KCNIP4: variants seen among roughly 807,000 people sequenced by gnomAD.
KCNIP4 encodes the protein Kv channel-interacting protein 4.
Under a neutral mutation model 34.0 loss-of-function variants are expected in KCNIP4, and 12 were observed. The observed-to-expected ratio is 0.35, with a 90% CI of 0.23 to 0.57. KCNIP4 has a LOEUF of 0.57. KCNIP4 is among the 20% of genes least tolerant of loss of function. The pLI is 0.83. For synonymous variants in KCNIP4, 124 were observed against 102.2 expected, an observed-to-expected ratio of 1.21 and a Z score of -1.29; for missense variants, 238 against 311.7, an observed-to-expected ratio of 0.76 and a Z score of 1.78.
intron 1 of KCNIP4, among the ~76,000 whole-genome samples, chr4:21,589,351 T>C (rs1324720072): frequency 6.7e-6 from 1 of 148,466 alleles, no homozygotes; most frequent in Non-Finnish European, 1.5e-5. Flanking sequence ...CATGTGTATG[T>C]ATATATGTAC....
intron 1 of KCNIP4, among the ~76,000 whole-genome samples, chr4:21,472,454 A>G (rs535151927): frequency 1.1e-3 from 170 of 152,234 alleles, no homozygotes; most frequent in Non-Finnish European, 1.9e-3. Context: ...TGGGGGGGTT[A>G]ATATTACTAC....
intron 1 of KCNIP4, among the ~76,000 whole-genome samples, chr4:21,693,016 T>A (rs887426005): frequency 2.6e-5 from 4 of 151,864 alleles, no homozygotes; most frequent in African/African-American, 9.7e-5. Context: ...TTCTATCATC[T>A]CCAGGGAGAA....
chr4:21,329,512 G>T (rs1218228961), intron 1 of KCNIP4, among the ~76,000 whole-genome samples: 2 of 152,088 alleles, frequency 1.3e-5, no homozygotes, highest in Non-Finnish European at 2.9e-5. Flanking sequence ...TTTCTTTCAA[G>T]AACTCCACCA....
chr4:21,421,804 T>C (rs898459939), intron 1 of KCNIP4, among the ~76,000 whole-genome samples: 3 of 152,232 alleles, frequency 2.0e-5, no homozygotes, highest in Admixed American at 6.5e-5. Context: ...TTTAATTAGC[T>C]TGATTGTGTT....
At chr4:21,268,340 TAATGGAACC>T (rs1761944392) in intron 1 of KCNIP4, among the ~76,000 whole-genome samples, 3 of 152,172 alleles carry the variant, frequency 2.0e-5, no homozygotes, top group African/African-American at 7.2e-5. Context: ...ACTGATCTTT[TAATGGAACC>T]AACTGAAGCA....
At chr4:21,789,972 A>T (rs1467904386) in intron 1 of KCNIP4, among the ~76,000 whole-genome samples, 1 of 152,228 alleles carries the variant, frequency 6.6e-6, no homozygotes, top group Non-Finnish European at 1.5e-5. Flanking sequence ...CCCATTTTCC[A>T]TCTTCATATA....
chr4:21,906,620 C>G (rs1339157673), intron 1 of KCNIP4, among the ~76,000 whole-genome samples: 1 of 152,046 alleles, frequency 6.6e-6, no homozygotes, highest in East Asian at 1.9e-4. Flanking sequence ...TAATTTATTA[C>G]AGTGGTCCCA....
Position 21,444,754 on chromosome 4 carries a change from C to T in KCNIP4, c.61+503817G>A, listed in dbSNP as rs368260103. ...CCTCTCTCACCACTCCTATTCAACA[C>T]AGTGTTGGAAGTTCTGGCCAGGGCA... On this transcript the variant is annotated intron_variant, in intron 1 of 8. Transcript: ENST00000382152. Among the ~76,000 whole-genome samples, 17 of 152,234 alleles carry T rather than the reference C, an allele frequency of 1.1e-4. No homozygotes were observed. The East Asian group carries it at 1.4e-3, about 12-fold the overall frequency.
intron 1 of KCNIP4, among the ~76,000 whole-genome samples, chr4:21,052,277 A>G (rs998732511): frequency 6.6e-6 from 1 of 152,130 alleles, no homozygotes; most frequent in Admixed American, 6.5e-5. Context: ...TCTTCTTTTA[A>G]TATCCCTGAA....
Position 21,714,538 on chromosome 4 carries a change from A to G in KCNIP4, c.61+234033T>C, listed in dbSNP as rs527583862. Reference sequence around the variant, plus strand: ...AAAGAGGAAAGGAGAAGAGGAAGAAAGAGAGGGAGGAAGGGGGGGATTAAT... The same window carrying G: ...AAAGAGGAAAGGAGAAGAGGAAGAAGGAGAGGGAGGAAGGGGGGGATTAAT... On this transcript the variant is annotated intron_variant, in intron 1 of 8. Transcript: ENST00000382152. Among the ~76,000 whole-genome samples, 4 of 138,302 alleles carry G rather than the reference A, an allele frequency of 2.9e-5. No homozygotes were observed. In the South Asian group the frequency reaches 1.1e-3, roughly 38 times the overall value. The allele number at this position is 138,302 out of a possible 152,430, so 90.7% of individuals were successfully genotyped here. A position where few individuals can be genotyped will look rare whatever the true frequency, so the allele number is the denominator to read the frequency against.
chr4:20,970,793 A>G (rs1477693076), intron 1 of KCNIP4, among the ~76,000 whole-genome samples: 1 of 152,226 alleles, frequency 6.6e-6, no homozygotes, highest in East Asian at 1.9e-4. Flanking sequence ...AGCCTATTGT[A>G]TTACCAGAGC....
intron 1 of KCNIP4, among the ~76,000 whole-genome samples, chr4:21,776,880 A>G (rs1719214827): frequency 6.6e-6 from 1 of 152,070 alleles, no homozygotes; most frequent in African/African-American, 2.4e-5. Context: ...CTCCTGCCTC[A>G]GCCTCCCAAG....
rs138515398 is a variant in KCNIP4, at chr4:21,306,157, A to G, written c.62-423448T>C. Among the ~76,000 whole-genome samples the G allele has an allele frequency of 2.2e-3, 330 of 152,352 alleles. 2 individuals are homozygous for G. The highest frequency in any genetic ancestry group is 3.7e-3 in the Non-Finnish European group (255 of 68,032). ...AGGGATGATGATTTGCAGGTGTAAC[A>G]CTAGCCTCAGAGAACCTAAGTAGCA... On this transcript the variant is annotated intron_variant, in intron 1 of 8. Transcript: ENST00000382152.
intron 3 of KCNIP4, among the ~76,000 whole-genome samples, chr4:20,817,415 C>T (rs1181209043): frequency 2.6e-5 from 4 of 152,184 alleles, no homozygotes; most frequent in African/African-American, 4.8e-5. Context: ...CCCAGCTCCA[C>T]GCTGCTCCCA....
At chr4:21,798,965 A>G (rs1350746748) in intron 1 of KCNIP4, among the ~76,000 whole-genome samples, 1 of 152,130 alleles carries the variant, frequency 6.6e-6, no homozygotes, top group Non-Finnish European at 1.5e-5. Flanking sequence ...AAATGTTTTA[A>G]TTAATTGACT....
intron 1 of KCNIP4, among the ~76,000 whole-genome samples, chr4:21,666,465 A>G (rs1326350112): frequency 2.0e-5 from 3 of 152,240 alleles, no homozygotes; most frequent in East Asian, 1.9e-4. Context: ...ACTCTCTTAC[A>G]TATCAGGATG....
chr4:20,921,311 G>A (rs981651328), intron 1 of KCNIP4, among the ~76,000 whole-genome samples: 15 of 152,186 alleles, frequency 9.9e-5, no homozygotes, highest in East Asian at 3.9e-4. Context: ...TACTTTGGCC[G>A]CCATTTGCAA....
intron 1 of KCNIP4, among the ~76,000 whole-genome samples, chr4:21,203,171 T>C (rs925079725): frequency 1.3e-5 from 2 of 152,182 alleles, no homozygotes; most frequent in Non-Finnish European, 2.9e-5. Context: ...TAACAGATTC[T>C]GGGATCCCAA....
At chr4:20,814,526 T>C (rs1490681330) in intron 3 of KCNIP4, among the ~76,000 whole-genome samples, 1 of 152,190 alleles carries the variant, frequency 6.6e-6, no homozygotes, top group East Asian at 1.9e-4. Flanking sequence ...GGGTTTATTC[T>C]AGGCTCTGCC....
Sources: allele counts gnomAD v4.1 joint callset (sites outside exome capture counted in the v4.1 genomes callset), GRCh38; gene constraint gnomAD v4.1.1; transcripts MANE v1.5; gene names NCBI Gene and HGNC (gene_info 2026-07-23, HGNC 2026-07-21).